NTNG1: variants seen among roughly 807,000 people sequenced by gnomAD.
NTNG1 encodes the protein netrin G1, also known as netrin-G1.
NTNG1 carries 16 observed loss-of-function variants against 54.0 expected under a neutral mutation model. The observed-to-expected ratio is 0.30, with a 90% CI of 0.20 to 0.45. The LOEUF (loss-of-function observed/expected upper bound fraction) is 0.45. Among genes scored for constraint, NTNG1 ranks in the 20% least tolerant of loss-of-function variants. The probability of loss-of-function intolerance (pLI) is 1.00; values close to 1 mark genes in which losing one functional copy is unlikely to be tolerated. For missense variants in NTNG1, 530 were observed against 678.7 expected, an observed-to-expected ratio of 0.78 and a Z score of 2.43; for synonymous variants, 255 against 263.1, an observed-to-expected ratio of 0.97 and a Z score of 0.30.
intron 6 of NTNG1, among the ~76,000 whole-genome samples, chr1:107,433,940 G>A (rs984419527): frequency 1.3e-5 from 2 of 152,152 alleles, no homozygotes; most frequent in East Asian, 3.9e-4. Context: ...AAGGGCTTGC[G>A]GCAGGACTGT....
At chr1:107,239,139 T>A (rs1661633507) in intron 2 of NTNG1, among the ~76,000 whole-genome samples, 1 of 152,074 alleles carries the variant, frequency 6.6e-6, no homozygotes. Context: ...AAAGTATACA[T>A]GGATAACAGG....
At chr1:107,235,279 A>G (rs1661330219) in intron 2 of NTNG1, among the ~76,000 whole-genome samples, 1 of 152,192 alleles carries the variant, frequency 6.6e-6, no homozygotes, top group Admixed American at 6.5e-5. Flanking sequence ...AGTGACTTCC[A>G]TGGACCCACT....
At chr1:107,300,525 A>G (rs988624645) in intron 2 of NTNG1, among the ~76,000 whole-genome samples, 2 of 152,142 alleles carry the variant, frequency 1.3e-5, no homozygotes, top group African/African-American at 4.8e-5. Context: ...CTCACATCTA[A>G]ATGGCTATTA....
intron 2 of NTNG1, among the ~76,000 whole-genome samples, chr1:107,220,700 A>G (rs1006147564): frequency 1.3e-5 from 2 of 152,212 alleles, no homozygotes; most frequent in Non-Finnish European, 2.9e-5. Flanking sequence ...AACTGATTTA[A>G]AGGAATTAGA....
intron 2 of NTNG1, among the ~76,000 whole-genome samples, chr1:107,269,124 C>A (rs3125680): frequency 0.065 from 9,885 of 152,188 alleles, 1,095 homozygotes; most frequent in African/African-American, 0.22. Context: ...TTTTTAGTGA[C>A]CCAGCTACCT....
At chr1:107,364,029 T>A (rs1159199607) in intron 3 of NTNG1, among the ~76,000 whole-genome samples, 1 of 152,154 alleles carries the variant, frequency 6.6e-6, no homozygotes, top group Non-Finnish European at 1.5e-5. Flanking sequence ...ATATTTTGCT[T>A]GACTGACTAA....
chr1:107,389,559 A>C (rs1672235561), intron 3 of NTNG1, among the ~76,000 whole-genome samples: 1 of 152,232 alleles, frequency 6.6e-6, no homozygotes, highest in South Asian at 2.1e-4. Context: ...CAGGAAGTGC[A>C]GATCTGGTTG....
At chr1:107,175,605 G>GT (rs1390185431) in intron 2 of NTNG1, among the ~76,000 whole-genome samples, 1,515 of 149,820 alleles carry the variant, frequency 0.01, 22 homozygotes, top group African/African-American at 0.035. Context: ...CTTTCTGTGT[G>GT]TTTTGTTTTT....
intron 2 of NTNG1, among the ~76,000 whole-genome samples, chr1:107,149,232 T>C (rs1557760868): frequency 6.6e-6 from 1 of 152,208 alleles, no homozygotes. Flanking sequence ...CACAAATGTT[T>C]CTTCACATAT....
At chr1:107,338,525 G>C (rs1255867781) in intron 3 of NTNG1, among the ~76,000 whole-genome samples, 1 of 151,856 alleles carries the variant, frequency 6.6e-6, no homozygotes, top group Admixed American at 6.6e-5. Context: ...GGATCTACAT[G>C]AACTTGGGAT....
At chr1:107,314,461 C>T (rs1667220257) in intron 2 of NTNG1, among the ~76,000 whole-genome samples, 1 of 152,032 alleles carries the variant, frequency 6.6e-6, no homozygotes, top group Admixed American at 6.6e-5. Context: ...GAGATACACA[C>T]CTAGTTAACA....
intron 2 of NTNG1, among the ~76,000 whole-genome samples, chr1:107,195,024 A>G (rs1349362600): frequency 1.3e-5 from 2 of 151,974 alleles, no homozygotes; most frequent in Non-Finnish European, 2.9e-5. Flanking sequence ...TAAATTTGTT[A>G]AAGTTTCACT....
At chr1:107,150,986 A>G (rs191412003) in intron 2 of NTNG1, among the ~76,000 whole-genome samples, 13 of 152,316 alleles carry the variant, frequency 8.5e-5, no homozygotes, top group African/African-American at 3.1e-4. Flanking sequence ...TCCGTAGGAC[A>G]GTCTTTAAAA....
At chr1:107,472,784 A>G (rs776488654) in intron 7 of NTNG1, among the ~76,000 whole-genome samples, 1 of 152,216 alleles carries the variant, frequency 6.6e-6, no homozygotes, top group Non-Finnish European at 1.5e-5. Flanking sequence ...TAGTGTACCT[A>G]GAATTCCAAC....
intron 3 of NTNG1, among the ~76,000 whole-genome samples, chr1:107,334,244 T>A (rs1668446273): frequency 6.6e-6 from 1 of 152,186 alleles, no homozygotes; most frequent in Non-Finnish European, 1.5e-5. Flanking sequence ...ATTAGGACTG[T>A]TAATGAATAA....
At chr1:107,384,763 TG>T (rs2101046137) in intron 3 of NTNG1, among the ~76,000 whole-genome samples, 1 of 152,364 alleles carries the variant, frequency 6.6e-6, no homozygotes, top group East Asian at 1.9e-4. Context: ...CTTTCATGTA[TG>T]CTTCTCCTAT....
chr1:107,317,890 T>G (rs1462375087), intron 2 of NTNG1, among the ~76,000 whole-genome samples: 1 of 152,200 alleles, frequency 6.6e-6, no homozygotes, highest in Non-Finnish European at 1.5e-5. Context: ...CAGTTAGTTT[T>G]TAACTCCAGA....
At chr1:107,444,661 G>C (rs1676200245) in intron 7 of NTNG1, among the ~76,000 whole-genome samples, 1 of 152,102 alleles carries the variant, frequency 6.6e-6, no homozygotes, top group African/African-American at 2.4e-5. Context: ...TATTTAAAGA[G>C]AATATTGAGA....
chr1:107,212,519 A>G (rs1455900145), intron 2 of NTNG1, among the ~76,000 whole-genome samples: 2 of 152,180 alleles, frequency 1.3e-5, no homozygotes, highest in Admixed American at 6.5e-5. Flanking sequence ...ATTTTGTTAT[A>G]TGAACAGTAA....
Sources: allele counts gnomAD v4.1 joint callset (sites outside exome capture counted in the v4.1 genomes callset), GRCh38; gene constraint gnomAD v4.1.1; transcripts MANE v1.5; gene names NCBI Gene and HGNC (gene_info 2026-07-23, HGNC 2026-07-21).